The following SLC22A5 variants were observed in gnomAD, a reference collection of about 807,000 sequenced individuals.
SLC22A5 encodes the protein organic cation/carnitine transporter 2.
SLC22A5 carries 44 observed loss-of-function variants against 56.7 expected under a neutral mutation model. The ratio of observed to expected loss-of-function variants is 0.78; its 90% confidence interval spans 0.61 to 1.00. SLC22A5 has a LOEUF of 1.00. SLC22A5 is among the 50% of genes least tolerant of loss of function. SLC22A5 has a pLI of 0.00. For missense variants in SLC22A5, 675 were observed against 723.0 expected (o/e 0.93, Z 0.76); for synonymous variants, 278 against 292.1 (o/e 0.95, Z 0.49).
Position 132,395,585 on chromosome 5 carries a change from T to G in SLC22A5, c.*1313T>G, listed in dbSNP as rs1752845483. 6.5e-6 allele frequency: 1 copy of G among 152,790 alleles called. No homozygotes were observed. The allele number at this position is 152,790 out of a possible 1,614,324, so 9.5% of individuals were successfully genotyped here. A position where few individuals can be genotyped will look rare whatever the true frequency, so the allele number is the denominator to read the frequency against. On this transcript the variant is annotated 3_prime_UTR_variant, in exon 10 of 10. Coordinates refer to ENST00000245407, the MANE Select transcript of SLC22A5 (RefSeq NM_003060.4). ...AAGTGCCTTGGGAAATGAGAAAGTT[T>G]TAATAAGTAAAATGATTTTTTAAAT...
Position 132,369,927 on chromosome 5 carries a change from G to A in SLC22A5, c.-46G>A. 6.2e-7 allele frequency: 1 copy of A among 1,605,876 alleles called. No individual in the cohort carries two copies. Among genetic ancestry groups the A allele is most frequent in the Non-Finnish European group, 8.5e-7 (1 of 1,177,074 alleles). ...CCCGCGCGCACGCGCAAAGCCCGCC[G>A]CGTTCCCCGACCCCAGGCCGCGCTC... is the stretch of plus-strand genomic sequence containing the variant. On this transcript the variant is annotated 5_prime_UTR_variant, in exon 1 of 10. Coordinates refer to ENST00000245407, the MANE Select transcript of SLC22A5 (RefSeq NM_003060.4).
At chr5:132,391,532 C>A (rs1752701739) in intron 7 of SLC22A5, among the ~76,000 whole-genome samples, 1 of 152,086 alleles carries the variant, frequency 6.6e-6, no homozygotes, top group South Asian at 2.1e-4. Context: ...CTGAAAAAGT[C>A]TAGGAGAACA....
At position 132,378,438 on chromosome 5, in the gene SLC22A5, GGT is replaced by G. The variant is rs386134195; in HGVS notation, c.458_459del (p.Val153AlafsTer41). 62 of 1,614,086 alleles carry G rather than the reference GGT, an allele frequency of 3.8e-5. No individual in the cohort carries two copies. Among genetic ancestry groups the G allele is most frequent in the Non-Finnish European group, 4.7e-5 (56 of 1,180,046 alleles). On this transcript the variant is annotated frameshift_variant, in exon 2 of 10. Transcript: ENST00000245407. LOFTEE classifies it high-confidence loss of function. ...ACTCACAATCTCCTTGTTCTTCGTG[GGT>G]GTGCTGTTGGGCTCCTTCATTTCAG... ...APLTISLFFV[G>X]VLLGSFISGQ...
chr5:132,371,693 G>A (rs982894532), intron 1 of SLC22A5, among the ~76,000 whole-genome samples: 5 of 152,124 alleles, frequency 3.3e-5, no homozygotes, highest in South Asian at 2.1e-4. Flanking sequence ...CTCTCCGTGA[G>A]CCTAGGGTGT....
rs1751805181 is a variant in SLC22A5, at chr5:132,369,763, C to G, written c.-210C>G. The stretch of plus-strand genomic sequence containing the variant: ...GCGGGGCGCGCCTTGCGGCCCAGGC[C>G]CGCAACCTTCCCTGGTCGTGCGCCC... On this transcript the variant is annotated 5_prime_UTR_variant, in exon 1 of 10. Transcript: ENST00000245407. 3 of 587,110 alleles carry G rather than the reference C, an allele frequency of 5.1e-6. No homozygotes were observed. In the East Asian group the frequency reaches 1.0e-4, roughly 20 times the overall value. 36.4% of individuals were successfully genotyped at this position (587,110 alleles called of 1,614,324 possible). A position where few individuals can be genotyped will look rare whatever the true frequency, so the allele number is the denominator to read the frequency against.
intron 1 of SLC22A5, 69 bp from the exon 2 acceptor site, chr5:132,378,309 C>T (rs1350022805): frequency 1.2e-6 from 2 of 1,611,960 alleles, no homozygotes; most frequent in Non-Finnish European, 1.7e-6. Flanking sequence ...ACTTCATTTT[C>T]CAGGATGCCT....
chr5:132,378,761 C>G, intron 2 of SLC22A5: 2 of 442,162 alleles, frequency 4.5e-6, no homozygotes, highest in Non-Finnish European at 8.4e-6. Flanking sequence ...CTGCAGTAGC[C>G]TGGCTTGCCT....
In SLC22A5 at chr5:132,369,736, C is replaced by A; in HGVS notation, c.-237C>A. On this transcript the variant is annotated 5_prime_UTR_variant, in exon 1 of 10. Transcript: ENST00000245407. ...CCTTCGCCGGCGCCGCTCTGCCTGC[C>A]AGCGGGGCGCGCCTTGCGGCCCAGG... 2.1e-6 allele frequency: 1 copy of A among 475,912 alleles called. No individual in the cohort carries two copies. Among genetic ancestry groups the A allele is most frequent in the Non-Finnish European group, 3.5e-6 (1 of 282,296 alleles). 29.5% of individuals were successfully genotyped at this position (475,912 alleles called of 1,614,324 possible). A position where few individuals can be genotyped will look rare whatever the true frequency, so the allele number is the denominator to read the frequency against.
rs1025629711 is a variant in SLC22A5 at position 132,369,893 on chromosome 5, G to T, written c.-80G>T. 20 of 1,555,604 alleles carry T rather than the reference G, an allele frequency of 1.3e-5. No individual in the cohort carries two copies. The African/African-American group carries it at 1.5e-4, about 12-fold the overall frequency. ...CTGCTGCCTGGCTTGCCTGGTCGGC[G>T]GCGGGTGCCCCGCGCGCACGCGCAA... On this transcript the variant is annotated 5_prime_UTR_variant, in exon 1 of 10. Coordinates refer to ENST00000245407, the MANE Select transcript of SLC22A5 (RefSeq NM_003060.4).
Position 132,393,804 on chromosome 5 carries a change from G to C in SLC22A5, c.1579G>C (p.Val527Leu), listed in dbSNP as rs145792427. ...LPDTIDQMLR[V>L]KGMKHRKTPS... ...AGACACCATTGACCAGATGCTAAGA[G>C]TCAAAGGGTAAGAAGACCTCCTCTG... Residue 527 changes from valine to leucine, a missense_variant, in exon 9 of 10, where the codon GTC (valine) becomes CTC (leucine). Transcript: ENST00000245407. The C allele has an allele frequency of 1.2e-4, 193 of 1,614,168 alleles. 1 individual carries two copies. The African/African-American group carries it at 2.2e-3, about 19-fold the overall frequency.
At chr5:132,393,627 C>T in intron 8 of SLC22A5, 49 bp from the exon 9 acceptor site, 1 of 1,611,734 alleles carries the variant, frequency 6.2e-7, no homozygotes, top group Non-Finnish European at 8.5e-7. Flanking sequence ...GATGAGAGAC[C>T]AAGTCTAACT....
chr5:132,385,431 C>T lies in SLC22A5; in HGVS notation c.756C>T (p.Phe252=), dbSNP rs2126783846. ...GYMVLPLFAY[F]IRDWRMLLVA... is the part of the protein sequence containing the mutation. Reference sequence around the variant, plus strand: ...TGGTGCTGCCACTGTTTGCTTACTTCATCCGAGACTGGCGGATGCTGCTGG... The same window carrying T: ...TGGTGCTGCCACTGTTTGCTTACTTTATCCGAGACTGGCGGATGCTGCTGG... The change falls in exon 4 of 10, where the codon TTC becomes TTT. Residue 252 remains phenylalanine (F), a synonymous_variant. Transcript: ENST00000245407. 1 of 1,614,186 alleles carries T rather than the reference C, an allele frequency of 6.2e-7. No homozygotes were observed. Among genetic ancestry groups the T allele is most frequent in the Non-Finnish European group, 8.5e-7 (1 of 1,180,014 alleles).
Position 132,393,788 on chromosome 5 carries a change from T to C in SLC22A5, c.1563T>C (p.Ile521=), listed in dbSNP as rs1325105843. 1 of 1,614,022 alleles carries C rather than the reference T, an allele frequency of 6.2e-7. No individual in the cohort carries two copies. Among genetic ancestry groups the C allele is most frequent in the African/African-American group, 1.3e-5 (1 of 74,920 alleles). The change falls in exon 9 of 10, where the codon ATT becomes ATC. Residue 521 remains isoleucine (I), a synonymous_variant. Coordinates refer to ENST00000245407, the MANE Select transcript of SLC22A5 (RefSeq NM_003060.4). The part of the protein sequence containing the change: ...ESFGTPLPDT[I]DQMLRVKGMK... ...TCGGTACCCCACTCCCAGACACCAT[T>C]GACCAGATGCTAAGAGTCAAAGGGT... is the stretch of plus-strand genomic sequence containing the variant.
chr5:132,387,283 C>T (rs1752565578), intron 5 of SLC22A5, 132 bp downstream of exon 5: 11 of 988,708 alleles, frequency 1.1e-5, no homozygotes, highest in Non-Finnish European at 1.7e-5. Flanking sequence ...CTGCCCATTC[C>T]CCCCATCCCC....
intron 2 of SLC22A5, chr5:132,383,499 G>A (rs561205143): frequency 3.9e-5 from 6 of 155,174 alleles, no homozygotes; most frequent in African/African-American, 1.4e-4. Context: ...CCAGAGACTT[G>A]AGATTCAGGT....
chr5:132,387,418 T>C (rs556512863), intron 5 of SLC22A5, among the ~76,000 whole-genome samples: 1 of 152,284 alleles, frequency 6.6e-6, no homozygotes, highest in East Asian at 1.9e-4. Context: ...GGCAATCATA[T>C]ATTTTAACCA....
chr5:132,390,187 C>T (rs994948949), intron 6 of SLC22A5: 1 of 210,894 alleles, frequency 4.7e-6, no homozygotes, highest in Non-Finnish European at 9.7e-6. Flanking sequence ...TCTGACCAGC[C>T]TCTTCCTGAC....
rs1752803265 is a variant in SLC22A5 at position 132,394,214 on chromosome 5, CA to C, written c.1618del (p.Arg540GlyfsTer3). On this transcript the variant is annotated frameshift_variant, in exon 10 of 10. Transcript: ENST00000245407. LOFTEE classifies it high-confidence loss of function. ...AAACACAGAAAAACTCCAAGTCACA[CA>C]AGGATGTTAAAAGATGGTCAAGAAA... ...GMKHRKTPSH[T>X]RMLKDGQERP... is the part of the protein sequence containing the mutation. The C allele has an allele frequency of 1.9e-6, 3 of 1,613,528 alleles. No individual in the cohort carries two copies. The highest frequency in any genetic ancestry group is 2.5e-6 in the Non-Finnish European group (3 of 1,179,414).
intron 1 of SLC22A5, among the ~76,000 whole-genome samples, chr5:132,371,243 T>C (rs1751916907): frequency 6.6e-6 from 1 of 152,200 alleles, no homozygotes; most frequent in Admixed American, 6.5e-5. Context: ...ATTACAACCG[T>C]GAGCCACCAC....
Sources: allele counts gnomAD v4.1 joint callset (sites outside exome capture counted in the v4.1 genomes callset), GRCh38; gene constraint gnomAD v4.1.1; transcripts MANE v1.5; gene names NCBI Gene and HGNC (gene_info 2026-07-23, HGNC 2026-07-21).